RAPGEF4: variants seen among roughly 807,000 people sequenced by gnomAD.
RAPGEF4 encodes RAP guanine-nucleotide-exchange factor (GEF) 4.
RAPGEF4 carries 66 observed loss-of-function variants against 147.9 expected under a neutral mutation model. The ratio of observed to expected loss-of-function variants is 0.45; its 90% CI spans 0.37 to 0.55. RAPGEF4 has a LOEUF of 0.55. Ranked by LOEUF, RAPGEF4 falls within the 20% of genes least tolerant of loss-of-function variation. The pLI is 0.00. For synonymous variants in RAPGEF4, 419 were observed against 442.7 expected (o/e 0.95, Z 0.67); for missense variants, 1,071 against 1,257.3 (o/e 0.85, Z 2.24).
At chr2:172,972,319 G>A (rs1325341154) in intron 10 of RAPGEF4, among the ~76,000 whole-genome samples, 2 of 152,210 alleles carry the variant, frequency 1.3e-5, no homozygotes, top group Non-Finnish European at 2.9e-5. Context: ...GGTAATTATA[G>A]AGGGATTTGT....
chr2:172,898,303 A>T (rs1184709399), intron 4 of RAPGEF4, among the ~76,000 whole-genome samples: 1 of 152,142 alleles, frequency 6.6e-6, no homozygotes, highest in Non-Finnish European at 1.5e-5. Context: ...TTGAGAAGGT[A>T]GCTGTTGAAT....
intron 17 of RAPGEF4, among the ~76,000 whole-genome samples, chr2:173,002,520 ATT>A (rs1200533853): frequency 6.6e-6 from 1 of 152,012 alleles, no homozygotes; most frequent in Non-Finnish European, 1.5e-5. Context: ...ATATTCTAAG[ATT>A]TTGTTTTATT....
chr2:172,828,068 C>T (rs150174340), intron 4 of RAPGEF4, among the ~76,000 whole-genome samples: 23 of 152,178 alleles, frequency 1.5e-4, no homozygotes, highest in African/African-American at 5.3e-4. Flanking sequence ...CGATGCTAGG[C>T]ACTGGGGTTG....
In RAPGEF4 at chr2:172,735,936, A is replaced by C; in HGVS notation, c.-48A>C. On this transcript the variant is annotated 5_prime_UTR_variant, in exon 1 of 31. Coordinates refer to ENST00000397081, the MANE Select transcript of RAPGEF4 (RefSeq NM_007023.4). ...CGGGGGCGGAGGCGCAGGCAGAGCG[A>C]GCGCGGGAGGTCGCCGCAGCCAGGG... 7.1e-7 allele frequency: 1 copy of C among 1,408,686 alleles called. No individual in the cohort carries two copies. The highest frequency in any genetic ancestry group is 9.3e-7 in the Non-Finnish European group (1 of 1,073,700). 87.3% of individuals were successfully genotyped at this position (1,408,686 alleles called of 1,614,324 possible). A position where few individuals can be genotyped will look rare whatever the true frequency, so the allele number is the denominator to read the frequency against.
chr2:173,033,878 T>G (rs1683552117), intron 26 of RAPGEF4, 36 bp from the exon 27 acceptor site: 1 of 1,593,688 alleles, frequency 6.3e-7, no homozygotes, highest in South Asian at 1.1e-5. Context: ...ATATTGAATC[T>G]GACATATGCG....
At chr2:172,892,546 G>A (rs1172131276) in intron 4 of RAPGEF4, among the ~76,000 whole-genome samples, 1 of 152,212 alleles carries the variant, frequency 6.6e-6, no homozygotes, top group Non-Finnish European at 1.5e-5. Flanking sequence ...TTTTATGGGG[G>A]CAGAGGGAGT....
chr2:172,841,257 G>T (rs2149703438), intron 4 of RAPGEF4, among the ~76,000 whole-genome samples: 1 of 152,234 alleles, frequency 6.6e-6, no homozygotes, highest in Admixed American at 6.5e-5. Context: ...ACTGGTTCTT[G>T]AAAAGAGCCT....
At chr2:172,798,583 T>C (rs565934369) in intron 3 of RAPGEF4, among the ~76,000 whole-genome samples, 5 of 152,134 alleles carry the variant, frequency 3.3e-5, no homozygotes, top group Admixed American at 6.5e-5. Flanking sequence ...ATTAAAGAAT[T>C]ATTTAAAGGG....
chr2:172,741,736 A>G (rs912894394), intron 1 of RAPGEF4, among the ~76,000 whole-genome samples: 1 of 152,208 alleles, frequency 6.6e-6, no homozygotes, highest in Non-Finnish European at 1.5e-5. Flanking sequence ...CAGTGGTTTG[A>G]TCACAACTCA....
At chr2:172,798,306 AT>A (rs1220133392) in intron 3 of RAPGEF4, among the ~76,000 whole-genome samples, 1 of 152,104 alleles carries the variant, frequency 6.6e-6, no homozygotes, top group Non-Finnish European at 1.5e-5. Flanking sequence ...AAAAGAAAAA[AT>A]ATATAAATAT....
Position 172,990,918 on chromosome 2 carries a change from C to G in RAPGEF4, c.1483C>G (p.Gln495Glu), listed in dbSNP as rs915132945. Residue 495 changes from glutamine (Q) to glutamate (E), a missense_variant, in exon 15 of 31, where the codon CAG becomes GAG. By Grantham distance (29) the Gln-to-Glu change is conservative (BLOSUM62 2). Coordinates refer to ENST00000397081, the MANE Select transcript of RAPGEF4 (RefSeq NM_007023.4). ...TTCTAATCAAGGAAACTCACAGCCT[C>G]AGCAAAAGTATGTTTGCATCCAACA... is the stretch of plus-strand genomic sequence containing the variant. ...RASNQGNSQP[Q>E]QKYTVMSGTP... 1.2e-6 allele frequency: 2 copies of G among 1,611,156 alleles called. No homozygotes were observed. The highest frequency in any genetic ancestry group is 8.5e-7 in the Non-Finnish European group (1 of 1,177,564).
intron 4 of RAPGEF4, among the ~76,000 whole-genome samples, chr2:172,870,198 CTT>C (rs1695078711): frequency 1.3e-5 from 2 of 152,196 alleles, no homozygotes; most frequent in Admixed American, 1.3e-4. Context: ...TTTCAAGCCT[CTT>C]TTATTGTAAC....
At chr2:173,051,126 C>T (rs539836758) in intron 30 of RAPGEF4, among the ~76,000 whole-genome samples, 3 of 152,242 alleles carry the variant, frequency 2.0e-5, no homozygotes, top group South Asian at 2.1e-4. Context: ...AACATACAGT[C>T]GGTATAGTAA....
At chr2:173,026,102 G>A (rs1259770094) in intron 23 of RAPGEF4, among the ~76,000 whole-genome samples, 1 of 152,174 alleles carries the variant, frequency 6.6e-6, no homozygotes. Flanking sequence ...CCCAAGAGAT[G>A]GAGAGGCAGC....
intron 6 of RAPGEF4, among the ~76,000 whole-genome samples, chr2:172,932,579 T>C (rs565393079): frequency 6.6e-6 from 1 of 152,378 alleles, no homozygotes; most frequent in South Asian, 2.1e-4. Context: ...ATTTCCTCTG[T>C]AGAAATTTAT....
chr2:172,877,356 G>T (rs965571938), intron 4 of RAPGEF4, among the ~76,000 whole-genome samples: 1 of 152,016 alleles, frequency 6.6e-6, no homozygotes. Flanking sequence ...ATCACACATT[G>T]GGTCCTGTCA....
At chr2:172,985,352 G>A in intron 11 of RAPGEF4, 81 bp from the exon 12 acceptor site, 3 of 1,599,502 alleles carry the variant, frequency 1.9e-6, no homozygotes, top group Non-Finnish European at 2.6e-6. Context: ...AGTTTGCATT[G>A]TGCCCCCAGA....
intron 10 of RAPGEF4, 61 bp downstream of exon 10, chr2:172,967,505 C>T: frequency 6.6e-7 from 1 of 1,506,754 alleles, no homozygotes; most frequent in South Asian, 1.3e-5. Flanking sequence ...CATAGACATA[C>T]CATGAGGAGA....
At chr2:173,050,397 G>A (rs1686041804) in intron 30 of RAPGEF4, among the ~76,000 whole-genome samples, 1 of 152,208 alleles carries the variant, frequency 6.6e-6, no homozygotes, top group South Asian at 2.1e-4. Flanking sequence ...ACAGGGGGCA[G>A]GGGCATGTAT....
Sources: gnomAD v4.1 joint callset for allele counts (sites outside exome capture counted in the v4.1 genomes callset) on GRCh38, gnomAD v4.1.1 for gene constraint, MANE v1.5 for transcripts, NCBI Gene and HGNC (gene_info 2026-07-23, HGNC 2026-07-21) for gene names.